NOS1: variants seen among roughly 807,000 people sequenced by gnomAD.
NOS1 encodes the protein NOS type I.
NOS1 carries 51 observed loss-of-function variants against 164.5 expected under a neutral mutation model. That is an observed-to-expected ratio of 0.31 (90% CI 0.25 to 0.39). The LOEUF (loss-of-function observed/expected upper bound fraction) is 0.39. NOS1 is among the 10% of genes least tolerant of loss of function. NOS1 has a pLI of 1.00. For synonymous variants in NOS1, 719 were observed against 745.8 expected, an observed-to-expected ratio of 0.96 and a Z score of 0.59; for missense variants, 1,362 against 1,885.6, an observed-to-expected ratio of 0.72 and a Z score of 5.14.
rs925000145 is a variant in NOS1 at position 117,268,209 on chromosome 12, A to T, written c.1840-65T>A. The T allele has an allele frequency of 3.2e-5, 34 of 1,073,168 alleles. No homozygotes were observed. The African/African-American group carries it at 3.3e-4, about 10-fold the overall frequency. 66.5% of individuals were successfully genotyped at this position (1,073,168 alleles called of 1,614,324 possible). A position where few individuals can be genotyped will look rare whatever the true frequency, so the allele number is the denominator to read the frequency against. Reference sequence around the variant, plus strand: ...TCTCTGGATTTCAGATTGAAGAGGGACAGGGCTAGTGGCGTGAAATAATTT... The same window carrying T: ...TCTCTGGATTTCAGATTGAAGAGGGTCAGGGCTAGTGGCGTGAAATAATTT... On this transcript the variant is annotated intron_variant, in intron 10 of 28. Transcript: ENST00000317775.
intron 10 of NOS1, among the ~76,000 whole-genome samples, chr12:117,270,636 A>T (rs974114955): frequency 2.6e-5 from 4 of 152,092 alleles, no homozygotes; most frequent in African/African-American, 9.7e-5. Context: ...AATTAATTGC[A>T]GGGAAAAAAG....
chr12:117,341,219 G>A (rs572468372), intron 1 of NOS1, among the ~76,000 whole-genome samples: 8 of 152,254 alleles, frequency 5.3e-5, no homozygotes, highest in South Asian at 4.1e-4. Context: ...GTACGGACAC[G>A]TGGACTGGTC....
intron 22 of NOS1, among the ~76,000 whole-genome samples, chr12:117,231,646 T>C (rs1332299498): frequency 6.6e-6 from 1 of 152,186 alleles, no homozygotes; most frequent in East Asian, 1.9e-4. Flanking sequence ...CCTGTTTCTT[T>C]TTCTCCTAAG....
chr12:117,323,132 C>T (rs549891115), intron 2 of NOS1, among the ~76,000 whole-genome samples: 13 of 152,242 alleles, frequency 8.5e-5, no homozygotes, highest in East Asian at 7.7e-4. Context: ...TAAGCCTGCC[C>T]GCCCACCAAG....
chr12:117,330,440 C>T lies in NOS1; in HGVS notation c.630G>A (p.Glu210=), dbSNP rs757669144. Residue 210 remains glutamate (E), a synonymous_variant, in exon 2 of 29, where the codon GAG becomes GAA. Coordinates refer to ENST00000317775, the MANE Select transcript of NOS1 (RefSeq NM_000620.5). The surrounding 1 kb of genome is among the most constrained non-coding windows in gnomAD (Gnocchi z 4.6). ...CACTGGTGAGAAGGCTCAGCACAGG[C>T]TCTATCTCCTTGAGCAGTTCATTGT... ...GENNELLKEI[E]PVLSLLTSGS... The T allele has an allele frequency of 1.2e-6, 2 of 1,614,230 alleles. No individual in the cohort carries two copies. The highest frequency in any genetic ancestry group is 3.3e-5 in the Admixed American group (2 of 60,030).
chr12:117,327,980 T>G (rs1237184247), intron 2 of NOS1, among the ~76,000 whole-genome samples: 1 of 151,974 alleles, frequency 6.6e-6, no homozygotes, highest in Non-Finnish European at 1.5e-5. Context: ...CAGGCTGAGG[T>G]GGGCTGTGAC....
chr12:117,259,751 A>G (rs9658428), intron 14 of NOS1, among the ~76,000 whole-genome samples: 1,752 of 152,308 alleles, frequency 0.012, 23 homozygotes, highest in African/African-American at 0.04. Context: ...TCTATATTCT[A>G]TCCTCGCCTC....
At position 117,212,074 on chromosome 12, in the gene NOS1, AT is replaced by A. The variant is rs778715435; in HGVS notation, c.*3234del. 2.2e-5 allele frequency: 20 copies of A among 914,488 alleles called. No homozygotes were observed. The East Asian group carries it at 6.2e-4, about 28-fold the overall frequency. The allele number at this position is 914,488 out of a possible 1,614,324, so 56.6% of individuals were successfully genotyped here. On this transcript the variant is annotated 3_prime_UTR_variant, in exon 29 of 29. Coordinates refer to ENST00000317775, the MANE Select transcript of NOS1 (RefSeq NM_000620.5). ...GAGCAAGACTCTGTCAAAAAAAAAAATAGATTCTAACCTTCTGCACGAGAGG... is the reference window on the plus strand; with the variant it reads ...GAGCAAGACTCTGTCAAAAAAAAAAAAGATTCTAACCTTCTGCACGAGAGG...
At chr12:117,270,403 G>A (rs887748050) in intron 10 of NOS1, among the ~76,000 whole-genome samples, 1 of 152,028 alleles carries the variant, frequency 6.6e-6, no homozygotes, top group Non-Finnish European at 1.5e-5. Flanking sequence ...AGAGATCAGA[G>A]AGCAGACTTA....
chr12:117,262,200 C>T (rs1871959249), intron 13 of NOS1, among the ~76,000 whole-genome samples: 1 of 152,146 alleles, frequency 6.6e-6, no homozygotes, highest in Non-Finnish European at 1.5e-5. Context: ...AAAGATGCAT[C>T]TATAATTAAT....
At chr12:117,264,628 C>T (rs1402094791) in intron 12 of NOS1, among the ~76,000 whole-genome samples, 2 of 121,970 alleles carry the variant, frequency 1.6e-5, no homozygotes, top group Admixed American at 8.3e-5. Flanking sequence ...CCCTCTCTCT[C>T]TCCCTTTCCC....
Position 117,208,257 on chromosome 12 carries a change from A to G in NOS1, c.*7052T>C. On this transcript the variant is annotated 3_prime_UTR_variant, in exon 29 of 29. Coordinates refer to ENST00000317775, the MANE Select transcript of NOS1 (RefSeq NM_000620.5). ...CAGAAGAAGAGCATGCGACAAACAC[A>G]GCCTGGACAACCTCGCAAAGAGCGT... 1 of 1,283,266 alleles carries G rather than the reference A, an allele frequency of 7.8e-7. No individual in the cohort carries two copies. The highest frequency in any genetic ancestry group is 2.3e-5 in the Admixed American group (1 of 43,396). The allele number at this position is 1,283,266 out of a possible 1,614,324, so 79.5% of individuals were successfully genotyped here. A position where few individuals can be genotyped will look rare whatever the true frequency, so the allele number is the denominator to read the frequency against.
intron 3 of NOS1, among the ~76,000 whole-genome samples, chr12:117,302,317 C>T (rs150363859): frequency 1.6e-4 from 24 of 152,112 alleles, no homozygotes; most frequent in African/African-American, 4.3e-4. Flanking sequence ...AGTTGTCGGC[C>T]GGCGCGGTGG....
chr12:117,277,820 G>T, intron 9 of NOS1, 139 bp downstream of exon 9: 1 of 1,033,294 alleles, frequency 9.7e-7, no homozygotes, highest in Non-Finnish European at 1.4e-6. Context: ...AGCCCGCAGT[G>T]AGGACAGGAA....
intron 14 of NOS1, 66 bp downstream of exon 14, chr12:117,260,399 C>T: frequency 6.3e-7 from 1 of 1,578,104 alleles, no homozygotes; most frequent in Non-Finnish European, 8.7e-7. Flanking sequence ...GTTGACTTCC[C>T]TCTCTCCCCT....
chr12:117,350,335 C>CT (rs1876559283), intron 1 of NOS1, among the ~76,000 whole-genome samples: 3 of 152,288 alleles, frequency 2.0e-5, no homozygotes, highest in Non-Finnish European at 1.5e-5. Flanking sequence ...TCAACAGGCA[C>CT]TTACTAGTTA....
At chr12:117,293,486 T>C (rs1236116276) in intron 3 of NOS1, among the ~76,000 whole-genome samples, 1 of 152,142 alleles carries the variant, frequency 6.6e-6, no homozygotes, top group Non-Finnish European at 1.5e-5. Context: ...GCCAGCACCC[T>C]GACTAAGTCA....
chr12:117,302,416 A>C (rs558407006), intron 3 of NOS1, among the ~76,000 whole-genome samples: 124 of 152,074 alleles, frequency 8.2e-4, no homozygotes, highest in African/African-American at 2.7e-3. Flanking sequence ...AACATGGTGA[A>C]ACCCCATCTC....
At chr12:117,313,123 C>A (rs141755727) in intron 2 of NOS1, among the ~76,000 whole-genome samples, 2 of 152,136 alleles carry the variant, frequency 1.3e-5, no homozygotes, top group African/African-American at 4.8e-5. Context: ...TCACCATTGT[C>A]ACCATCTTCT....
Sources: gnomAD v4.1 joint callset for allele counts (sites outside exome capture counted in the v4.1 genomes callset) on GRCh38, gnomAD v4.1.1 for gene constraint, Gnocchi (gnomAD v3.1) non-coding constraint, MANE v1.5 for transcripts, NCBI Gene and HGNC (gene_info 2026-07-23, HGNC 2026-07-21) for gene names.